ORC3: variants seen among roughly 807,000 people sequenced by gnomAD.
The protein encoded by ORC3 is origin recognition complex subunit 3.
In ORC3, 78 loss-of-function variants were observed where a neutral mutation model predicts 100.7. The observed-to-expected ratio is 0.77, with a 90% CI of 0.65 to 0.94. ORC3 has a LOEUF of 0.94. Among genes scored for constraint, ORC3 ranks in the 40% least tolerant of loss-of-function variants. ORC3 has a pLI of 0.00. For missense variants in ORC3, 789 were observed against 823.9 expected, an observed-to-expected ratio of 0.96 and a Z score of 0.52; for synonymous variants, 295 against 289.3, an observed-to-expected ratio of 1.02 and a Z score of -0.20.
intron 2 of ORC3, chr6:87,595,385 TG>T (rs1372919935): frequency 6.6e-6 from 1 of 152,264 alleles, no homozygotes; most frequent in Non-Finnish European, 1.5e-5. Flanking sequence ...TAACATGTAG[TG>T]CTTTGTAAGA....
chr6:87,621,618 C>A, intron 10 of ORC3, 131 bp downstream of exon 10: 1 of 576,540 alleles, frequency 1.7e-6, no homozygotes, highest in South Asian at 3.6e-5. Context: ...GTGGGATTTC[C>A]CTTGTTGGAT....
At chr6:87,650,807 A>AG (rs1383320663) in intron 13 of ORC3, 2 of 206,870 alleles carry the variant, frequency 9.7e-6, no homozygotes, top group Non-Finnish European at 2.0e-5. Context: ...CAGGAGTTCG[A>AG]GACTAGCCTG....
intron 11 of ORC3, among the ~76,000 whole-genome samples, chr6:87,632,990 G>A (rs1767541675): frequency 6.6e-6 from 1 of 152,060 alleles, no homozygotes; most frequent in South Asian, 2.1e-4. Flanking sequence ...ATTCCTCATC[G>A]AACACTTATT....
intron 10 of ORC3, among the ~76,000 whole-genome samples, 200 bp from the exon 11 acceptor site, chr6:87,621,750 T>A (rs1779548157): frequency 6.6e-6 from 1 of 152,138 alleles, no homozygotes; most frequent in South Asian, 2.1e-4. Context: ...TTAATGTTTA[T>A]ATCTATAGAC....
chr6:87,655,653 A>AATC (rs1339117266), intron 14 of ORC3, among the ~76,000 whole-genome samples: 1 of 150,552 alleles, frequency 6.6e-6, no homozygotes, highest in Non-Finnish European at 1.5e-5. Context: ...TCATCAGCCT[A>AATC]ATTATTATTA....
intron 11 of ORC3, among the ~76,000 whole-genome samples, chr6:87,633,381 C>T (rs376998705): frequency 6.3e-4 from 96 of 152,282 alleles, no homozygotes; most frequent in Non-Finnish European, 1.2e-3. Context: ...ATTATGGCTA[C>T]TTTTGTTATG....
At chr6:87,647,940 C>T (rs748966202) in intron 13 of ORC3, among the ~76,000 whole-genome samples, 2 of 152,224 alleles carry the variant, frequency 1.3e-5, no homozygotes, top group Non-Finnish European at 2.9e-5. Flanking sequence ...TGGCTCATGC[C>T]TGTAATCCCA....
At chr6:87,602,938 A>G (rs1461250620) in intron 3 of ORC3, among the ~76,000 whole-genome samples, 1 of 136,366 alleles carries the variant, frequency 7.3e-6, no homozygotes, top group Non-Finnish European at 1.6e-5. Context: ...ACGTTTATAT[A>G]TATATACACA....
At chr6:87,605,840 T>G in intron 4 of ORC3, 77 bp from the exon 5 acceptor site, 2 of 764,046 alleles carry the variant, frequency 2.6e-6, no homozygotes, top group South Asian at 1.7e-5. Context: ...CTTGTTTGCT[T>G]GATATGTTAA....
intron 13 of ORC3, among the ~76,000 whole-genome samples, chr6:87,641,301 T>G (rs1768231978): frequency 6.6e-6 from 1 of 152,228 alleles, no homozygotes; most frequent in African/African-American, 2.4e-5. Context: ...TTATTCCATT[T>G]TCTTTCAAAT....
At chr6:87,592,763 T>C (rs191185481) in intron 1 of ORC3, among the ~76,000 whole-genome samples, 2 of 152,306 alleles carry the variant, frequency 1.3e-5, no homozygotes. Flanking sequence ...TCTTTCATTC[T>C]GTCTTTTATT....
At chr6:87,618,043 A>C (rs1427419777) in intron 9 of ORC3, among the ~76,000 whole-genome samples, 1 of 152,248 alleles carries the variant, frequency 6.6e-6, no homozygotes, top group Non-Finnish European at 1.5e-5. Context: ...CATTTCATTC[A>C]TTTACTCATA....
chr6:87,590,496 A>C (rs917108082), intron 1 of ORC3, among the ~76,000 whole-genome samples: 1 of 152,118 alleles, frequency 6.6e-6, no homozygotes, highest in Non-Finnish European at 1.5e-5. Flanking sequence ...TGCGCCAAGC[A>C]CTCCGTTAGG....
chr6:87,627,195 C>T (rs998920572), intron 11 of ORC3, among the ~76,000 whole-genome samples: 4 of 149,862 alleles, frequency 2.7e-5, no homozygotes, highest in African/African-American at 9.8e-5. Context: ...GACAGGGTTT[C>T]ACCATGTTGG....
In ORC3 at chr6:87,621,438, T is replaced by G; in HGVS notation, c.1072T>G (p.Leu358Val). 1 of 1,603,154 alleles carries G rather than the reference T, an allele frequency of 6.2e-7. No individual in the cohort carries two copies. The highest frequency in any genetic ancestry group is 8.5e-7 in the Non-Finnish European group (1 of 1,175,460). Residue 358 changes from leucine (L) to valine (V), a missense_variant, in exon 10 of 20, where the codon TTA becomes GTA. Physicochemically the swap from Leu to Val is conservative, Grantham distance 32 (BLOSUM62 1). Around this residue, in one of 3 missense-constraint regions of ORC3, gnomAD observed 24 missense variants for 47.7 expected, o/e 0.50. Transcript: ENST00000392844. ...LPEAKRRINF[L>V]SNNQCENIRR... ...AGAAGCCAAAAGAAGAATAAATTTT[T>G]TATCAAATAATCAATGTGAAAACAT...
At chr6:87,668,856 G>A (rs1164072060), downstream of ORC3, among the ~76,000 whole-genome samples, 5 of 152,162 alleles carry the variant, frequency 3.3e-5, no homozygotes, top group South Asian at 2.1e-4. Context: ...GTTGGTGGGC[G>A]CCTGTAATCC....
the ORC3 span, chr6:87,677,814 A>T: frequency 6.2e-7 from 1 of 1,613,446 alleles, no homozygotes; most frequent in Admixed American, 1.7e-5. Context: ...AACACACCTC[A>T]TACCTGCAAG....
At chr6:87,614,907 C>G (rs1269983738) in intron 8 of ORC3, among the ~76,000 whole-genome samples, 2 of 152,198 alleles carry the variant, frequency 1.3e-5, no homozygotes, top group East Asian at 1.9e-4. Flanking sequence ...CCAAACTGTT[C>G]CAACCTCTGC....
chr6:87,602,957 A>ATATATATATATATATAT (rs1778057478), intron 3 of ORC3, among the ~76,000 whole-genome samples: 1 of 93,230 alleles, frequency 1.1e-5, no homozygotes, highest in African/African-American at 4.5e-5. Flanking sequence ...CATATATAAT[A>ATATATATATATATATAT]TATATATATA....
Sources: gnomAD v4.1 joint callset for allele counts (sites outside exome capture counted in the v4.1 genomes callset) on GRCh38, gnomAD v4.1.1 for gene constraint, gnomAD v4.1.1 regional missense constraint, MANE v1.5 for transcripts, NCBI Gene and HGNC (gene_info 2026-07-23, HGNC 2026-07-21) for gene names.